The following CACNA1G variants were observed in gnomAD, a reference collection of about 807,000 sequenced individuals.
CACNA1G encodes the protein voltage-dependent T-type calcium channel subunit alpha-1G.
Under a neutral mutation model 219.4 loss-of-function variants are expected in CACNA1G, and 67 were observed. The observed-to-expected ratio is 0.31, with a 90% CI of 0.25 to 0.37. The LOEUF (loss-of-function observed/expected upper bound fraction) is 0.37, where lower values mean the gene tolerates loss of function less well. Ranked by LOEUF, CACNA1G falls within the 10% of genes least tolerant of loss-of-function variation. CACNA1G has a pLI of 1.00. For synonymous variants in CACNA1G, 1,296 were observed against 1,345.3 expected (o/e 0.96, Z 0.80); for missense variants, 2,380 against 3,231.4 (o/e 0.74, Z 6.39).
chr17:50,561,428 C>G lies in CACNA1G; in HGVS notation c.-32C>G. 1 of 1,533,216 alleles carries G rather than the reference C, an allele frequency of 6.5e-7. No homozygotes were observed. The highest frequency in any genetic ancestry group is 1.2e-5 in the South Asian group (1 of 83,938). 95.0% of individuals were successfully genotyped at this position (1,533,216 alleles called of 1,614,324 possible). A position where few individuals can be genotyped will look rare whatever the true frequency, so the allele number is the denominator to read the frequency against. On this transcript the variant is annotated 5_prime_UTR_variant, in exon 1 of 38. Coordinates refer to ENST00000359106, the MANE Select transcript of CACNA1G (RefSeq NM_018896.5). ...TCTGAGGGGCGCCGCTTGCCCCTCT[C>G]CGGATCGCCCGGGGCCCCGGCTGGC...
rs778293092 is a variant in CACNA1G, at chr17:50,619,818, G to A, written c.5917G>A (p.Asp1973Asn). 22 of 1,604,108 alleles carry A rather than the reference G, an allele frequency of 1.4e-5. No individual in the cohort carries two copies. The East Asian group carries it at 2.5e-4, about 18-fold the overall frequency. ...TTCTGCCCCCAGCCTGGGAGGCTCCGACCCACAGGTTACTGTGCCCCTGTG... is the reference window on the plus strand; with the variant it reads ...TTCTGCCCCCAGCCTGGGAGGCTCCAACCCACAGGTTACTGTGCCCCTGTG... ...FPSAPSLGGS[D>N]PQIPLAEMEA... Residue 1973 changes from aspartate (D) to asparagine (N), a missense_variant, in exon 34 of 38, where the codon GAC (aspartate) becomes AAC (asparagine). Asp to Asn is a conservative substitution (Grantham distance 23). Coordinates refer to ENST00000359106, the MANE Select transcript of CACNA1G (RefSeq NM_018896.5).
At position 50,572,522 on chromosome 17, in the gene CACNA1G, G is replaced by T. The variant is rs374428292; in HGVS notation, c.747-32G>T. The stretch of plus-strand genomic sequence containing the variant: ...CTCTCCCTGGAGAGCCCACTCCCCA[G>T]TCTCACCCCTGTTCCCCTTCCCATC... On this transcript the variant is annotated intron_variant, in intron 5 of 37. Coordinates refer to ENST00000359106, the MANE Select transcript of CACNA1G (RefSeq NM_018896.5). 46 of 1,498,954 alleles carry T rather than the reference G, an allele frequency of 3.1e-5. No homozygotes were observed. The African/African-American group carries it at 4.3e-4, about 14-fold the overall frequency. The allele number at this position is 1,498,954 out of a possible 1,614,324, so 92.9% of individuals were successfully genotyped here.
chr17:50,608,877 T>C (rs961092218), intron 25 of CACNA1G, among the ~76,000 whole-genome samples: 1 of 152,182 alleles, frequency 6.6e-6, no homozygotes, highest in African/African-American at 2.4e-5. Context: ...AGGGCTCCCA[T>C]CTGCCTGGTA....
chr17:50,608,168 A>C (rs763772114), intron 25 of CACNA1G, 149 bp downstream of exon 25: 1 of 688,366 alleles, frequency 1.5e-6, no homozygotes. Flanking sequence ...CTTCTCCCCA[A>C]GAGCATGTCT....
intron 9 of CACNA1G, among the ~76,000 whole-genome samples, chr17:50,585,028 G>A (rs2042729456): frequency 6.6e-6 from 1 of 152,152 alleles, no homozygotes; most frequent in African/African-American, 2.4e-5. Flanking sequence ...GCTGGGCAGG[G>A]CAGGAGCTCT....
intron 35 of CACNA1G, among the ~76,000 whole-genome samples, chr17:50,622,140 T>A (rs2052275449): frequency 6.6e-6 from 1 of 151,996 alleles, no homozygotes; most frequent in Non-Finnish European, 1.5e-5. Flanking sequence ...TGGAGCCCTG[T>A]GCAAGCCAGC....
intron 34 of CACNA1G, among the ~76,000 whole-genome samples, chr17:50,620,698 T>C (rs1198172636): frequency 6.6e-6 from 1 of 152,162 alleles, no homozygotes; most frequent in Non-Finnish European, 1.5e-5. Context: ...GGCAGGTTCT[T>C]AGGAAGCCTT....
intron 34 of CACNA1G, among the ~76,000 whole-genome samples, chr17:50,620,391 T>C (rs1019653534): frequency 4.0e-5 from 6 of 151,894 alleles, no homozygotes; most frequent in African/African-American, 1.5e-4. Context: ...CAGCTGGGAG[T>C]GGATTTTGAG....
chr17:50,569,622 C>T (rs1232134793), intron 3 of CACNA1G, 84 bp from the exon 4 acceptor site: 2 of 951,858 alleles, frequency 2.1e-6, no homozygotes, highest in Non-Finnish European at 3.3e-6. Context: ...CCTGCTGCCC[C>T]TAAAGCAGGA....
rs1267115848 is a variant in CACNA1G at position 50,603,246 on chromosome 17, C to T, written c.4169+47C>T. Reference sequence around the variant, plus strand: ...GAACACCTCCAAGAGGTGGCCCCCTCCGCAGGGACATCTCCCACCGCCAGC... The same window carrying T: ...GAACACCTCCAAGAGGTGGCCCCCTTCGCAGGGACATCTCCCACCGCCAGC... On this transcript the variant is annotated intron_variant, in intron 21 of 37. Transcript: ENST00000359106. The surrounding 1 kb of genome is among the most constrained non-coding windows in gnomAD (Gnocchi z 6.4). 6.6e-7 allele frequency: 1 copy of T among 1,516,298 alleles called. No homozygotes were observed. Among genetic ancestry groups the T allele is most frequent in the Non-Finnish European group, 8.9e-7 (1 of 1,118,330 alleles). 93.9% of individuals were successfully genotyped at this position (1,516,298 alleles called of 1,614,324 possible).
chr17:50,617,516 G>A lies in CACNA1G; in HGVS notation c.5100G>A (p.Ser1700=), dbSNP rs61739923. ...TGGAGGAAATCGAGGTCAACGCCTC[G>A]CTGCCCATCAACCCCACCATCATCC... ...ITLEEIEVNA[S]LPINPTIIRI... is the part of the protein sequence containing the mutation. Residue 1700 remains serine, a synonymous_variant, in exon 29 of 38, where the codon TCG becomes TCA. Transcript: ENST00000359106. The surrounding 1 kb of genome is among the most constrained non-coding windows in gnomAD (Gnocchi z 5.8). The A allele has an allele frequency of 4.3e-4, 693 of 1,614,000 alleles. 5 individuals are homozygous for A. The African/African-American group carries it at 8.5e-3, about 20-fold the overall frequency.
intron 17 of CACNA1G, 64 bp downstream of exon 17, chr17:50,599,923 G>T: frequency 6.7e-7 from 1 of 1,495,550 alleles, no homozygotes; most frequent in Non-Finnish European, 9.1e-7. Context: ...GGTGTGCCTG[G>T]CCTGGCAGGG....
chr17:50,579,984 G>A (rs1002465583), intron 9 of CACNA1G, among the ~76,000 whole-genome samples: 12 of 152,046 alleles, frequency 7.9e-5, no homozygotes, highest in African/African-American at 1.7e-4. Flanking sequence ...GCAATATTTC[G>A]AGCACCCAGC....
At chr17:50,569,051 T>TA (rs2038755866) in intron 2 of CACNA1G, 70 bp downstream of exon 2, 2 of 1,524,556 alleles carry the variant, frequency 1.3e-6, no homozygotes, top group African/African-American at 2.8e-5. Context: ...TTAATCTTAA[T>TA]ACCCTCTACT....
chr17:50,622,424 C>T (rs1436635018), intron 35 of CACNA1G, among the ~76,000 whole-genome samples: 1 of 152,148 alleles, frequency 6.6e-6, no homozygotes, highest in Non-Finnish European at 1.5e-5. Flanking sequence ...GAGCAGCCCC[C>T]TCCTCTCCAC....
intron 14 of CACNA1G, 62 bp downstream of exon 14, chr17:50,595,123 G>C (rs891544922): frequency 8.0e-7 from 1 of 1,245,820 alleles, no homozygotes; most frequent in African/African-American, 1.5e-5. Flanking sequence ...CCTCCACTCC[G>C]CCTCCGTGTC....
chr17:50,566,671 A>T (rs1169077547), intron 1 of CACNA1G, among the ~76,000 whole-genome samples: 1 of 152,226 alleles, frequency 6.6e-6, no homozygotes, highest in East Asian at 1.9e-4. Flanking sequence ...ATGGGGACAC[A>T]CATCTGGCTT....
At chr17:50,566,703 T>C (rs1382006207) in intron 1 of CACNA1G, among the ~76,000 whole-genome samples, 2 of 152,248 alleles carry the variant, frequency 1.3e-5, no homozygotes, top group African/African-American at 2.4e-5. Flanking sequence ...GACTTATTGA[T>C]TGGTTGATTC....
Position 50,627,077 on chromosome 17 carries a change from C to G in CACNA1G, c.*326C>G, listed in dbSNP as rs756668063. On this transcript the variant is annotated 3_prime_UTR_variant, in exon 38 of 38. Coordinates refer to ENST00000359106, the MANE Select transcript of CACNA1G (RefSeq NM_018896.5). Reference sequence around the variant, plus strand: ...TTAAATTAATTGAATCTAGTATATGCGGGATGTACGACATTTTGTGACTGA... The same window carrying G: ...TTAAATTAATTGAATCTAGTATATGGGGGATGTACGACATTTTGTGACTGA... 2.0e-6 allele frequency: 1 copy of G among 500,378 alleles called. No individual in the cohort carries two copies. Among genetic ancestry groups the G allele is most frequent in the Admixed American group, 2.3e-5 (1 of 43,886 alleles). 31.0% of individuals were successfully genotyped at this position (500,378 alleles called of 1,614,324 possible).
Sources: gnomAD v4.1 joint callset for allele counts (sites outside exome capture counted in the v4.1 genomes callset) on GRCh38, gnomAD v4.1.1 for gene constraint, Gnocchi (gnomAD v3.1) non-coding constraint, MANE v1.5 for transcripts, NCBI Gene and HGNC (gene_info 2026-07-23, HGNC 2026-07-21) for gene names.